STK11IP: variants seen among roughly 807,000 people sequenced by gnomAD.
The protein encoded by STK11IP is serine/threonine kinase 11 interacting protein, also known as serine/threonine-protein kinase 11-interacting protein.
Under a neutral mutation model 131.7 loss-of-function variants are expected in STK11IP, and 103 were observed. That is an observed-to-expected ratio of 0.78 (90% confidence interval 0.67 to 0.92). The LOEUF (loss-of-function observed/expected upper bound fraction) is 0.92. Ranked by LOEUF, STK11IP falls within the 40% of genes least tolerant of loss-of-function variation. The pLI is 0.00. For synonymous variants in STK11IP, 557 were observed against 575.6 expected (o/e 0.97, Z 0.46); for missense variants, 1,315 against 1,385.7 (o/e 0.95, Z 0.81).
intron 1 of STK11IP, 80 bp downstream of exon 1, chr2:219,598,003 C>A: frequency 6.3e-7 from 1 of 1,585,228 alleles, no homozygotes; most frequent in African/African-American, 1.3e-5. Context: ...TCGCCTTTTT[C>A]TCCGCATGAC....
chr2:219,601,704 C>A lies in STK11IP; in HGVS notation c.331C>A (p.Arg111=). Residue 111 remains arginine (R), a synonymous_variant, in exon 4 of 25, where the codon CGG becomes AGG. Transcript: ENST00000456909. The part of the protein sequence containing the change: ...PIKIFPFKSL[R]HLELRGVPLH... ...CAAGATTTTCCCCTTCAAATCCCTT[C>A]GGCACCTGGAGGTATGGGGACACGG... 6.2e-7 allele frequency: 1 copy of A among 1,603,438 alleles called. No individual in the cohort carries two copies. Among genetic ancestry groups the A allele is most frequent in the Non-Finnish European group, 8.5e-7 (1 of 1,175,038 alleles).
chr2:219,614,302 A>C, intron 22 of STK11IP, 60 bp downstream of exon 22: 1 of 1,594,148 alleles, frequency 6.3e-7, no homozygotes, highest in Admixed American at 1.7e-5. Flanking sequence ...ACAGAGCCCC[A>C]GACATGGCCC....
In STK11IP at chr2:219,601,348, T is replaced by C; in HGVS notation, c.175T>C (p.Phe59Leu). The C allele has an allele frequency of 6.2e-7, 1 of 1,614,086 alleles. No individual in the cohort carries two copies. The highest frequency in any genetic ancestry group is 8.5e-7 in the Non-Finnish European group (1 of 1,179,908). Residue 59 changes from phenylalanine (F) to leucine (L), a missense_variant, in exon 3 of 25, where the codon TTT becomes CTT. Coordinates refer to ENST00000456909, the MANE Select transcript of STK11IP (RefSeq NM_052902.4). ...GCCATGGGGCCCTGGCCAGACAGGC[T>C]TTGTGGCTCTGCCCTCCCATCCTGC... is the stretch of plus-strand genomic sequence containing the variant. ...LGPWGPGQTG[F>L]VALPSHPADS...
At chr2:219,605,528 T>C (rs1698121186) in intron 7 of STK11IP, 80 bp from the exon 8 acceptor site, 9 of 1,454,174 alleles carry the variant, frequency 6.2e-6, no homozygotes, top group Non-Finnish European at 8.4e-6. Flanking sequence ...GGTTGAGGCC[T>C]AGTCCAGAAG....
Position 219,608,166 on chromosome 2 carries a change from AC to A in STK11IP, c.1344del (p.Thr449LeufsTer142). On this transcript the variant is annotated frameshift_variant, in exon 14 of 25. Coordinates refer to ENST00000456909, the MANE Select transcript of STK11IP (RefSeq NM_052902.4). LOFTEE classifies it high-confidence loss of function. ...LEPSGNPLPA[T>X]PTTSAPSAPP... ...GCCCTCCGGAAACCCTCTGCCGGCC[AC>A]CCCCACTACTTCTGCACCCAGTGCA... 1.2e-6 allele frequency: 2 copies of A among 1,613,106 alleles called. No homozygotes were observed. Among genetic ancestry groups the A allele is most frequent in the Non-Finnish European group, 1.7e-6 (2 of 1,179,802 alleles).
intron 17 of STK11IP, among the ~76,000 whole-genome samples, chr2:219,610,279 A>G (rs944413073): frequency 3.9e-5 from 6 of 152,230 alleles, no homozygotes; most frequent in Non-Finnish European, 7.3e-5. Context: ...CAGCGCAAAC[A>G]GAAACAGCCC....
chr2:219,598,221 C>G, intron 2 of STK11IP, 41 bp downstream of exon 2: 2 of 1,461,454 alleles, frequency 1.4e-6, no homozygotes, highest in Non-Finnish European at 1.9e-6. Flanking sequence ...GGACCTCGGA[C>G]GAGGTGGGGG....
At chr2:219,609,734 A>C in intron 17 of STK11IP, 194 bp downstream of exon 17, 2 of 592,872 alleles carry the variant, frequency 3.4e-6, no homozygotes, top group Non-Finnish European at 5.5e-6. Flanking sequence ...AAAAGAAGAA[A>C]CTATATCCTG....
In STK11IP at chr2:219,601,850, C is replaced by T; in HGVS notation, c.342+135C>T. ...CATTGCTCTGCAGTCATGTGATATCCACTGTCTTTCCATTTACTGCTTCCC... is the reference window on the plus strand; with the variant it reads ...CATTGCTCTGCAGTCATGTGATATCTACTGTCTTTCCATTTACTGCTTCCC... On this transcript the variant is annotated intron_variant, in intron 4 of 24. Transcript: ENST00000456909. 3 of 1,236,524 alleles carry T rather than the reference C, an allele frequency of 2.4e-6. No individual in the cohort carries two copies. The South Asian group carries it at 3.9e-5, about 16-fold the overall frequency. The allele number at this position is 1,236,524 out of a possible 1,614,324, so 76.6% of individuals were successfully genotyped here. A position where few individuals can be genotyped will look rare whatever the true frequency, so the allele number is the denominator to read the frequency against.
At chr2:219,612,121 C>A in intron 19 of STK11IP, 63 bp downstream of exon 19, 1 of 1,452,292 alleles carries the variant, frequency 6.9e-7, no homozygotes, top group Non-Finnish European at 9.4e-7. Flanking sequence ...GTTTCCATCA[C>A]AGCCAACTGA....
At chr2:219,600,047 TTTTTTGTTTTTG>T (rs1352800074) in intron 2 of STK11IP, among the ~76,000 whole-genome samples, 24 of 139,260 alleles carry the variant, frequency 1.7e-4, no homozygotes, top group African/African-American at 6.9e-4. Context: ...TTGTGTTTTT[TTTTTTGTTTTTG>T]TTTTTTTTTT....
Position 219,602,773 on chromosome 2 carries a change from G to C in STK11IP, c.615G>C (p.Leu205=), listed in dbSNP as rs938297713. Reference sequence around the variant, plus strand: ...AAGTCCAGGACTGTCAGGGATTCCTGATGGTGAGTATGGGCAGTTTGGCAG... The same window carrying C: ...AAGTCCAGGACTGTCAGGGATTCCTCATGGTGAGTATGGGCAGTTTGGCAG... ...HNQVQDCQGF[L]MDLCELHHLD... The change falls in exon 7 of 25, where the codon CTG becomes CTC. Residue 205 remains leucine, a synonymous_variant. Transcript: ENST00000456909. 5.0e-6 allele frequency: 8 copies of C among 1,610,914 alleles called. No homozygotes were observed. Among genetic ancestry groups the C allele is most frequent in the African/African-American group, 1.3e-5 (1 of 74,866 alleles).
intron 23 of STK11IP, 63 bp from the exon 24 acceptor site, chr2:219,615,031 C>A: frequency 6.5e-7 from 1 of 1,547,610 alleles, no homozygotes; most frequent in Non-Finnish European, 8.7e-7. Flanking sequence ...AGCACTGGGA[C>A]GCTGGCCCCA....
chr2:219,607,722 G>A (rs984377212), intron 13 of STK11IP, among the ~76,000 whole-genome samples: 1 of 152,002 alleles, frequency 6.6e-6, no homozygotes, highest in African/African-American at 2.4e-5. Flanking sequence ...TAAAATAATA[G>A]GATTGTGGCC....
chr2:219,614,153 C>T lies in STK11IP; in HGVS notation c.2717-8C>T. On this transcript the variant is annotated splice_polypyrimidine_tract_variant and splice_region_variant and intron_variant, in intron 21 of 24. Coordinates refer to ENST00000456909, the MANE Select transcript of STK11IP (RefSeq NM_052902.4). The stretch of plus-strand genomic sequence containing the variant: ...CCTTCTAAAGTTCCCTGGCCTGCCT[C>T]TGTCTAGATGTCTTGCAGTCTCTGC... 3.1e-6 allele frequency: 5 copies of T among 1,613,436 alleles called. No individual in the cohort carries two copies. Among genetic ancestry groups the T allele is most frequent in the Non-Finnish European group, 3.4e-6 (4 of 1,179,708 alleles).
rs1559189283 is a variant in STK11IP at position 219,615,108 on chromosome 2, C to T, written c.2884C>T (p.Leu962Phe). 4 of 1,609,404 alleles carry T rather than the reference C, an allele frequency of 2.5e-6. No individual in the cohort carries two copies. The highest frequency in any genetic ancestry group is 3.4e-6 in the Non-Finnish European group (4 of 1,179,030). The change falls in exon 24 of 25, where the codon CTC (leucine) becomes TTC (phenylalanine). Residue 962 changes from leucine to phenylalanine, a missense_variant. By Grantham distance (22) the Leu-to-Phe change is conservative (BLOSUM62 0). Coordinates refer to ENST00000456909, the MANE Select transcript of STK11IP (RefSeq NM_052902.4). ...AFLVEGPSTC[L>F]VSLLLTPSTL... Reference sequence around the variant, plus strand: ...TTTCCCTGCAGGCCCTTCCACCTGCCTCGTATCCCTGTTGCTGACTCCGTC... The same window carrying T: ...TTTCCCTGCAGGCCCTTCCACCTGCTTCGTATCCCTGTTGCTGACTCCGTC...
rs769972290 is a variant in STK11IP, at chr2:219,616,034, G to T, written c.3118-10G>T. 4 of 1,612,840 alleles carry T rather than the reference G, an allele frequency of 2.5e-6. No individual in the cohort carries two copies. The highest frequency in any genetic ancestry group is 2.2e-5 in the East Asian group (1 of 44,866). ...ATGAGCCTCGCCTTGCTAACTGCTC[G>T]GTCTGCCAGGTGTCCCGGCTGGAGA... On this transcript the variant is annotated splice_polypyrimidine_tract_variant and intron_variant, in intron 24 of 24. Coordinates refer to ENST00000456909, the MANE Select transcript of STK11IP (RefSeq NM_052902.4).
chr2:219,605,809 T>C lies in STK11IP; in HGVS notation c.745+75T>C, dbSNP rs2106153160. 3.2e-6 allele frequency: 5 copies of C among 1,543,944 alleles called. No homozygotes were observed. In the East Asian group the frequency reaches 9.4e-5, roughly 29 times the overall value. ...GAGGCTGGGGCTGGCCTGGGGACCA[T>C]GTGCCTCTAGAGCCTTGAGAGGGCT... is the stretch of plus-strand genomic sequence containing the variant. On this transcript the variant is annotated intron_variant, in intron 8 of 24. Coordinates refer to ENST00000456909, the MANE Select transcript of STK11IP (RefSeq NM_052902.4).
chr2:219,616,323 C>T lies in STK11IP; in HGVS notation c.*130C>T. 4.1e-6 allele frequency: 5 copies of T among 1,226,306 alleles called. No individual in the cohort carries two copies. The highest frequency in any genetic ancestry group is 3.3e-6 in the Non-Finnish European group (3 of 899,342). The allele number at this position is 1,226,306 out of a possible 1,614,324, so 76.0% of individuals were successfully genotyped here. The stretch of plus-strand genomic sequence containing the variant: ...GCCTCTGGGTGCTGGCCAGTGAGGT[C>T]CCAAATGACCCAGGGCTTAAGGGAG... On this transcript the variant is annotated 3_prime_UTR_variant, in exon 25 of 25. Coordinates refer to ENST00000456909, the MANE Select transcript of STK11IP (RefSeq NM_052902.4).
Sources: allele counts gnomAD v4.1 joint callset (sites outside exome capture counted in the v4.1 genomes callset), GRCh38; gene constraint gnomAD v4.1.1; transcripts MANE v1.5; gene names NCBI Gene and HGNC (gene_info 2026-07-23, HGNC 2026-07-21).